Variants in HIVEP3 observed in about 807,000 individuals in gnomAD.
HIVEP3 encodes transcription factor HIVEP3.
A neutral mutation model predicts 152.8 loss-of-function variants in HIVEP3; 49 were observed. The observed-to-expected ratio is 0.32, with a 90% CI of 0.26 to 0.41. The LOEUF (loss-of-function observed/expected upper bound fraction) is 0.41, where lower values mean the gene tolerates loss of function less well. Ranked by LOEUF, HIVEP3 falls within the 10% of genes least tolerant of loss-of-function variation. HIVEP3 has a pLI of 1.00. For missense variants in HIVEP3, 2,790 were observed against 3,103.3 expected (o/e 0.90, Z 2.40); for synonymous variants, 1,269 against 1,289.0 (o/e 0.98, Z 0.33).
chr1:41,965,930 A>G (rs1645195083), intron 1 of HIVEP3, among the ~76,000 whole-genome samples: 1 of 152,210 alleles, frequency 6.6e-6, no homozygotes. Context: ...CATTATCGTC[A>G]GATTCTCCAA....
chr1:41,901,051 A>G (rs1271706611), intron 1 of HIVEP3, among the ~76,000 whole-genome samples: 1 of 152,044 alleles, frequency 6.6e-6, no homozygotes, highest in East Asian at 1.9e-4. Flanking sequence ...GTCAGGATGG[A>G]TAAGTGGATG....
chr1:41,874,861 G>C (rs1644142356), intron 1 of HIVEP3, among the ~76,000 whole-genome samples: 1 of 152,154 alleles, frequency 6.6e-6, no homozygotes, highest in South Asian at 2.1e-4. Flanking sequence ...CTTCTCCAGT[G>C]TGTCCACCTC....
intron 1 of HIVEP3, among the ~76,000 whole-genome samples, chr1:41,916,521 T>C (rs1644874145): frequency 6.6e-6 from 1 of 152,084 alleles, no homozygotes; most frequent in Admixed American, 6.5e-5. Context: ...GAGAGCTAAG[T>C]GTCACACCAC....
At chr1:41,520,210 G>C (rs1569698239) in intron 6 of HIVEP3, among the ~76,000 whole-genome samples, 1 of 152,168 alleles carries the variant, frequency 6.6e-6, no homozygotes, top group African/African-American at 2.4e-5. Flanking sequence ...AGAGGTTAAT[G>C]GGGGACCCTT....
intron 6 of HIVEP3, among the ~76,000 whole-genome samples, chr1:41,524,281 GAA>G (rs1047607428): frequency 1.3e-5 from 2 of 152,176 alleles, no homozygotes; most frequent in Non-Finnish European, 2.9e-5. Context: ...TCTGGCAGGA[GAA>G]GAGAGCATGC....
At chr1:41,614,604 T>C (rs560550484) in intron 3 of HIVEP3, among the ~76,000 whole-genome samples, 82 of 152,346 alleles carry the variant, frequency 5.4e-4, no homozygotes, top group African/African-American at 2.0e-3. Context: ...TTTAACTTGA[T>C]TTATTCCACA....
intron 5 of HIVEP3, among the ~76,000 whole-genome samples, chr1:41,574,396 A>T (rs1410485618): frequency 6.6e-6 from 1 of 152,190 alleles, no homozygotes; most frequent in Non-Finnish European, 1.5e-5. Context: ...TATTTTAGGC[A>T]GTAGGTTTCA....
chr1:41,741,418 C>T (rs756886996), intron 1 of HIVEP3, among the ~76,000 whole-genome samples: 1 of 152,336 alleles, frequency 6.6e-6, no homozygotes, highest in South Asian at 2.1e-4. Context: ...TGCTCTCCTG[C>T]GGAGTCCTGA....
intron 1 of HIVEP3, among the ~76,000 whole-genome samples, chr1:41,798,759 T>C (rs1219619217): frequency 6.6e-6 from 1 of 152,220 alleles, no homozygotes; most frequent in East Asian, 1.9e-4. Flanking sequence ...TAAATGTTTA[T>C]TGAAGAAAAA....
At position 41,582,032 on chromosome 1, in the gene HIVEP3, G is replaced by T; in HGVS notation, c.2766C>A (p.Phe922Leu). ...TGCGAGACAGAGGCACAGAGGACTC[G>T]AAGCTGGACTCCCCTGATGATTGGG... ...EMAQSSGESS[F>L]ESSVPLSRSP... The change falls in exon 4 of 9, where the codon TTC becomes TTA. Residue 922 changes from phenylalanine (F) to leucine (L), a missense_variant. Around this residue, in one of 9 missense-constraint regions of HIVEP3, gnomAD observed 1,078 missense variants for 1,165.3 expected, o/e 0.93. Transcript: ENST00000372583. The surrounding 1 kb of genome is among the most constrained non-coding windows in gnomAD (Gnocchi z 4.7). The T allele has an allele frequency of 6.2e-7, 1 of 1,614,170 alleles. No individual in the cohort carries two copies. The highest frequency in any genetic ancestry group is 1.1e-5 in the South Asian group (1 of 91,074).
At chr1:41,998,887 CTCTTTTTTTTTT>C (rs1393208408) in intron 1 of HIVEP3, among the ~76,000 whole-genome samples, 5 of 77,316 alleles carry the variant, frequency 6.5e-5, no homozygotes, top group African/African-American at 2.4e-4. Context: ...TTTTCTCTCT[CTCTTTTTTTTTT>C]TTTTTTTTTT....
chr1:41,744,047 GT>G (rs35867428), intron 1 of HIVEP3, among the ~76,000 whole-genome samples: 6,939 of 148,614 alleles, frequency 0.047, 234 homozygotes, highest in Middle Eastern at 0.066. Flanking sequence ...GCATTTTTTT[GT>G]TTTTTTTTTG....
chr1:41,964,869 G>T (rs1179648864), intron 1 of HIVEP3, among the ~76,000 whole-genome samples: 1 of 152,236 alleles, frequency 6.6e-6, no homozygotes, highest in African/African-American at 2.4e-5. Context: ...TGGGCAAGCG[G>T]GATTCCCCCA....
At chr1:42,026,895 C>T (rs1162096492) in intron 1 of HIVEP3, among the ~76,000 whole-genome samples, 1 of 152,202 alleles carries the variant, frequency 6.6e-6, no homozygotes, top group Non-Finnish European at 1.5e-5. Flanking sequence ...CATGACTTTT[C>T]CAGTACTTTC....
intron 1 of HIVEP3, among the ~76,000 whole-genome samples, chr1:41,972,460 C>T (rs183192397): frequency 6.6e-6 from 1 of 152,182 alleles, no homozygotes; most frequent in East Asian, 1.9e-4. Flanking sequence ...TAGACATGGA[C>T]AAGGAGGGTC....
chr1:41,669,804 C>T (rs2124067489), intron 2 of HIVEP3, among the ~76,000 whole-genome samples: 1 of 152,298 alleles, frequency 6.6e-6, no homozygotes, highest in South Asian at 2.1e-4. Flanking sequence ...ACTTCTCAGC[C>T]CCCATAAGCA....
At chr1:41,808,342 C>A (rs984663239) in intron 1 of HIVEP3, among the ~76,000 whole-genome samples, 2 of 152,254 alleles carry the variant, frequency 1.3e-5, no homozygotes, top group African/African-American at 4.8e-5. Flanking sequence ...CTCCACTAGG[C>A]TGCAGGCATC....
chr1:41,800,160 A>G (rs1449996571), intron 1 of HIVEP3, among the ~76,000 whole-genome samples: 1 of 152,250 alleles, frequency 6.6e-6, no homozygotes, highest in African/African-American at 2.4e-5. Flanking sequence ...AAGAGGATAT[A>G]GTAAACTATT....
intron 2 of HIVEP3, among the ~76,000 whole-genome samples, chr1:41,685,981 G>A (rs1646108354): frequency 6.6e-6 from 1 of 152,226 alleles, no homozygotes; most frequent in African/African-American, 2.4e-5. Context: ...CTTATCATTT[G>A]GGGGTTGCCT....
Sources: allele counts gnomAD v4.1 joint callset (sites outside exome capture counted in the v4.1 genomes callset), GRCh38; gene constraint gnomAD v4.1.1; regional missense constraint gnomAD v4.1.1; non-coding constraint Gnocchi (gnomAD v3.1); transcripts MANE v1.5; gene names NCBI Gene and HGNC (gene_info 2026-07-23, HGNC 2026-07-21).